Variants in GRID2 observed in about 807,000 individuals in gnomAD.
GRID2 encodes the protein glutamate ionotropic receptor delta type subunit 2, also known as glutamate receptor ionotropic, delta-2.
A neutral mutation model predicts 114.8 loss-of-function variants in GRID2; 33 were observed. The observed-to-expected ratio is 0.29, with a 90% CI of 0.22 to 0.38. The LOEUF is 0.38. GRID2 is among the 10% of genes least tolerant of loss of function. GRID2 has a pLI of 1.00. For missense variants in GRID2, 1,184 were observed against 1,257.7 expected (o/e 0.94, Z 0.89); for synonymous variants, 505 against 449.9 (o/e 1.12, Z -1.55).
chr4:93,154,216 C>T (rs934672281), intron 4 of GRID2, among the ~76,000 whole-genome samples: 24 of 151,992 alleles, frequency 1.6e-4, no homozygotes, highest in Admixed American at 1.6e-3. Context: ...ACCAGCATTG[C>T]TTACATTAGT....
In GRID2 at chr4:92,770,247, A is replaced by C. The variant is rs150553335; in HGVS notation, c.244+179961A>C. On this transcript the variant is annotated intron_variant, in intron 2 of 15. Coordinates refer to ENST00000282020, the MANE Select transcript of GRID2 (RefSeq NM_001510.4). ...AATCACCTTTGTTCCAGTTCCCAAA[A>C]AGTTCCTCATCTCTATCTGAGACTA... Among the ~76,000 whole-genome samples the C allele has an allele frequency of 8.0e-3, 1,217 of 152,244 alleles. 21 individuals are homozygous for C. Among genetic ancestry groups the C allele is most frequent in the African/African-American group, 0.028 (1,164 of 41,550 alleles).
chr4:93,772,200 C>T lies in GRID2; in HGVS notation c.2726C>T (p.Thr909Ile), dbSNP rs894495783. 6.2e-7 allele frequency: 1 copy of T among 1,613,962 alleles called. No homozygotes were observed. Among genetic ancestry groups the T allele is most frequent in the African/African-American group, 1.3e-5 (1 of 74,886 alleles). The change falls in exon 16 of 16, where the codon ACT becomes ATT. Residue 909 changes from threonine to isoleucine, a missense_variant. By Grantham distance (89) the Thr-to-Ile change is moderately conservative. Around this residue, in one of 3 missense-constraint regions of GRID2, gnomAD observed 717 missense variants for 796.9 expected, o/e 0.90. Coordinates refer to ENST00000282020, the MANE Select transcript of GRID2 (RefSeq NM_001510.4). ...GATTTGACCCCTCTGGACATTGACA[C>T]TTTGCCAACACGACAAGCACTGGAG... The part of the protein sequence containing the change: ...SIDLTPLDID[T>I]LPTRQALEQI...
At chr4:93,352,275 TA>T (rs1301625252) in intron 8 of GRID2, among the ~76,000 whole-genome samples, 1 of 151,994 alleles carries the variant, frequency 6.6e-6, no homozygotes, top group Non-Finnish European at 1.5e-5. Flanking sequence ...TTAACTATTT[TA>T]AAGTTCAAAG....
chr4:93,232,235 G>C (rs1176035437), intron 7 of GRID2, among the ~76,000 whole-genome samples: 1 of 151,942 alleles, frequency 6.6e-6, no homozygotes, highest in Non-Finnish European at 1.5e-5. Flanking sequence ...TAAAAGCTAA[G>C]AAAAATCTTA....
chr4:92,686,550 A>G (rs1238041050), intron 2 of GRID2, among the ~76,000 whole-genome samples: 2 of 152,092 alleles, frequency 1.3e-5, no homozygotes, highest in African/African-American at 4.8e-5. Flanking sequence ...AGAATTTAAT[A>G]AAACGCTTGC....
Position 92,454,822 on chromosome 4 carries a change from C to A in GRID2, c.89-135309C>A, listed in dbSNP as rs180754560. Among the ~76,000 whole-genome samples, 410 of 152,240 alleles carry A rather than the reference C, an allele frequency of 2.7e-3. 2 individuals are homozygous for A. Among genetic ancestry groups the A allele is most frequent in the Non-Finnish European group, 4.2e-3 (289 of 68,014 alleles). ...CTGCACTCCAGCCTGGGGGACAGAG[C>A]GAGACTCCGTCTCAAAAGAAAAAAA... On this transcript the variant is annotated intron_variant, in intron 1 of 15. Transcript: ENST00000282020.
At chr4:92,585,276 G>T (rs559174957) in intron 1 of GRID2, among the ~76,000 whole-genome samples, 3 of 152,020 alleles carry the variant, frequency 2.0e-5, no homozygotes, top group Admixed American at 2.0e-4. Flanking sequence ...GAAAATAAAA[G>T]ATTCATTGCA....
At chr4:93,129,545 A>G (rs1433005058) in intron 4 of GRID2, among the ~76,000 whole-genome samples, 1 of 151,970 alleles carries the variant, frequency 6.6e-6, no homozygotes, top group East Asian at 1.9e-4. Context: ...TCATCCTCAC[A>G]CTCTGCTGTT....
chr4:92,463,383 A>C (rs1360192010), intron 1 of GRID2, among the ~76,000 whole-genome samples: 1 of 151,996 alleles, frequency 6.6e-6, no homozygotes, highest in Non-Finnish European at 1.5e-5. Context: ...AGTTTTGACT[A>C]ACATTTTTTG....
chr4:93,662,048 C>T (rs1723546858), intron 14 of GRID2, among the ~76,000 whole-genome samples: 1 of 152,216 alleles, frequency 6.6e-6, no homozygotes, highest in South Asian at 2.1e-4. Flanking sequence ...TTCCAGCTAC[C>T]TGGCTTCCCT....
intron 2 of GRID2, among the ~76,000 whole-genome samples, chr4:92,961,601 C>A (rs1253480648): frequency 6.7e-6 from 1 of 150,294 alleles, no homozygotes; most frequent in Non-Finnish European, 1.5e-5. Context: ...ATTTTTGTTT[C>A]TTTATTTTGA....
chr4:93,709,436 C>T (rs1005487683), intron 14 of GRID2, among the ~76,000 whole-genome samples: 1 of 152,116 alleles, frequency 6.6e-6, no homozygotes, highest in Non-Finnish European at 1.5e-5. Context: ...AAGTTTTCCA[C>T]TGTGAAACCA....
chr4:93,782,105 C>T (rs1345985183), intron 1 of GRID2, among the ~76,000 whole-genome samples: 1 of 152,072 alleles, frequency 6.6e-6, no homozygotes, highest in African/African-American at 2.4e-5. Context: ...TCATGTTTCC[C>T]ACATGGCGAA....
At chr4:93,224,836 A>T in intron 7 of GRID2, 61 bp downstream of exon 7, 1 of 1,196,568 alleles carries the variant, frequency 8.4e-7, no homozygotes, top group Non-Finnish European at 1.2e-6. Flanking sequence ...ATATTTTAGA[A>T]AAAGGGTTTC....
At chr4:92,914,264 G>T (rs1445907394) in intron 2 of GRID2, among the ~76,000 whole-genome samples, 1 of 152,022 alleles carries the variant, frequency 6.6e-6, no homozygotes, top group South Asian at 2.1e-4. Flanking sequence ...TTACTCAATA[G>T]TCTATTGGGT....
chr4:93,560,241 A>C (rs1477938049), intron 13 of GRID2, among the ~76,000 whole-genome samples: 25 of 150,346 alleles, frequency 1.7e-4, no homozygotes, highest in African/African-American at 5.8e-4. Flanking sequence ...AAAAAAAAAA[A>C]AAAAAAAAAA....
chr4:92,943,978 G>A (rs995618447), intron 2 of GRID2, among the ~76,000 whole-genome samples: 3 of 152,176 alleles, frequency 2.0e-5, no homozygotes, highest in East Asian at 1.9e-4. Flanking sequence ...GCCATGTGAG[G>A]TATCAGTCTG....
intron 1 of GRID2, among the ~76,000 whole-genome samples, chr4:92,579,522 T>C (rs1439883582): frequency 6.6e-6 from 1 of 152,004 alleles, no homozygotes; most frequent in Non-Finnish European, 1.5e-5. Flanking sequence ...GGACTACATT[T>C]TTAACATAGA....
chr4:92,903,221 A>G (rs1404334142), intron 2 of GRID2, among the ~76,000 whole-genome samples: 2 of 151,668 alleles, frequency 1.3e-5, no homozygotes, highest in African/African-American at 4.8e-5. Flanking sequence ...CATGTCATCT[A>G]ATCTGCCATC....
Sources: allele counts gnomAD v4.1 joint callset (sites outside exome capture counted in the v4.1 genomes callset), GRCh38; gene constraint gnomAD v4.1.1; regional missense constraint gnomAD v4.1.1; transcripts MANE v1.5; gene names NCBI Gene and HGNC (gene_info 2026-07-23, HGNC 2026-07-21).